Variants in ZBTB25 observed in about 807,000 individuals in gnomAD.
ZBTB25 encodes zinc finger and BTB domain-containing protein 25.
In ZBTB25, 20 loss-of-function variants were observed where a neutral mutation model predicts 34.2. The ratio of observed to expected loss-of-function variants is 0.58; its 90% confidence interval spans 0.41 to 0.85. The LOEUF (loss-of-function observed/expected upper bound fraction) is 0.85, where lower values mean the gene tolerates loss of function less well. Ranked by LOEUF, ZBTB25 falls within the 40% of genes least tolerant of loss-of-function variation. ZBTB25 has a pLI of 0.00. For missense variants in ZBTB25, 437 were observed against 521.8 expected (o/e 0.84, Z 1.58); for synonymous variants, 175 against 186.4 (o/e 0.94, Z 0.50).
At chr14:64,455,220 C>T (rs2078450074) in intron 2 of ZBTB25, 1 of 335,504 alleles carries the variant, frequency 3.0e-6, no homozygotes, top group Non-Finnish European at 5.7e-6. Context: ...TATTGGGAGC[C>T]TTACATAGAT....
At chr14:64,495,338 G>C (rs1463435630) in intron 1 of ZBTB25, among the ~76,000 whole-genome samples, 3 of 152,178 alleles carry the variant, frequency 2.0e-5, no homozygotes, top group Non-Finnish European at 4.4e-5. Context: ...TTTGGAGGCT[G>C]CTCCACACAT....
downstream of ZBTB25, among the ~76,000 whole-genome samples, chr14:64,476,105 C>A (rs962596842): frequency 5.9e-5 from 9 of 152,216 alleles, no homozygotes; most frequent in African/African-American, 2.2e-4. Context: ...ATTCCCAAAT[C>A]CCTACTCTGA....
In ZBTB25 at chr14:64,485,596, A is replaced by G; in HGVS notation, c.*1327T>C. On this transcript the variant is annotated 3_prime_UTR_variant, in exon 3 of 3. Coordinates refer to ENST00000608382, the MANE Select transcript of ZBTB25 (RefSeq NM_006977.5). ...TAAGTTGATTTATAGAGGAAAAGCTAACATCATGGATCTTAAATGTAGTTA... is the reference window on the plus strand; with the variant it reads ...TAAGTTGATTTATAGAGGAAAAGCTGACATCATGGATCTTAAATGTAGTTA... 5 of 985,344 alleles carry G rather than the reference A, an allele frequency of 5.1e-6. No homozygotes were observed. The highest frequency in any genetic ancestry group is 6.0e-6 in the Non-Finnish European group (5 of 829,848). The allele number at this position is 985,344 out of a possible 1,614,324, so 61.0% of individuals were successfully genotyped here. A position where few individuals can be genotyped will look rare whatever the true frequency, so the allele number is the denominator to read the frequency against.
At chr14:64,459,105 C>T (rs2078521900) in intron 2 of ZBTB25, among the ~76,000 whole-genome samples, 1 of 152,192 alleles carries the variant, frequency 6.6e-6, no homozygotes, top group Admixed American at 6.5e-5. Context: ...GGGAAGATGA[C>T]TTTCAACATG....
rs954944190 is a variant in ZBTB25 at position 64,479,826 on chromosome 14, C to G, written c.*7097G>C. On this transcript the variant is annotated 3_prime_UTR_variant, in exon 3 of 3. Coordinates refer to ENST00000608382, the MANE Select transcript of ZBTB25 (RefSeq NM_006977.5). Reference sequence around the variant, plus strand: ...CACTGACTCCCCAGCCTCTCAGCCTCCCAACTGCAGATCTTGGGACTTCTC... The same window carrying G: ...CACTGACTCCCCAGCCTCTCAGCCTGCCAACTGCAGATCTTGGGACTTCTC... 17 of 153,222 alleles carry G rather than the reference C, an allele frequency of 1.1e-4. No homozygotes were observed. Among genetic ancestry groups the G allele is most frequent in the African/African-American group, 4.1e-4 (17 of 41,588 alleles). The allele number at this position is 153,222 out of a possible 1,614,324, so 9.5% of individuals were successfully genotyped here.
At chr14:64,499,151 A>G (rs1387229600) in intron 1 of ZBTB25, among the ~76,000 whole-genome samples, 5 of 152,232 alleles carry the variant, frequency 3.3e-5, no homozygotes, top group Non-Finnish European at 5.9e-5. Context: ...ACTTTATACT[A>G]GTCTCTATAA....
rs74056433 is a variant in ZBTB25, at chr14:64,486,620, A to C, written c.*303T>G. Reference sequence around the variant, plus strand: ...TCAATTTGATTTTACTGATTCTATAACTGGAAAAACTTAGAATTCTATAAA... The same window carrying C: ...TCAATTTGATTTTACTGATTCTATACCTGGAAAAACTTAGAATTCTATAAA... On this transcript the variant is annotated 3_prime_UTR_variant, in exon 3 of 3. Coordinates refer to ENST00000608382, the MANE Select transcript of ZBTB25 (RefSeq NM_006977.5). 3.8e-3 allele frequency: 3,670 copies of C among 963,432 alleles called. 87 individuals carry two copies. In the African/African-American group the frequency reaches 0.054, roughly 14 times the overall value. The allele number at this position is 963,432 out of a possible 1,614,324, so 59.7% of individuals were successfully genotyped here.
chr14:64,474,046 G>T (rs1360263825), downstream of ZBTB25: 1 of 167,094 alleles, frequency 6.0e-6, no homozygotes, highest in Non-Finnish European at 1.5e-5. Flanking sequence ...TGATAAGGGA[G>T]ACAGGCTCCC....
chr14:64,471,358 TA>T (rs1426398333), intron 2 of ZBTB25: 36 of 166,004 alleles, frequency 2.2e-4, no homozygotes, highest in Non-Finnish European at 4.4e-5. Flanking sequence ...TTCACCGTGT[TA>T]GCCAGGATGG....
At chr14:64,464,535 A>T (rs1391487419) in intron 2 of ZBTB25, among the ~76,000 whole-genome samples, 3 of 152,202 alleles carry the variant, frequency 2.0e-5, no homozygotes, top group Non-Finnish European at 4.4e-5. Flanking sequence ...ACAAAAATGG[A>T]CACCTGACAT....
In ZBTB25 at chr14:64,487,064, G is replaced by A. The variant is rs1419691071; in HGVS notation, c.1167C>T (p.Ala389=). Residue 389 remains alanine, a synonymous_variant, in exon 3 of 3, where the codon GCC becomes GCT. Transcript: ENST00000608382. The part of the protein sequence containing the change: ...NRCQRFGNAL[A]QRFQPYCDSW... ...TGTCACAGTATGGCTGAAATCTCTG[G>A]GCCAATGCATTACCAAACCTTTGGC... is the stretch of plus-strand genomic sequence containing the variant. 1 of 1,613,942 alleles carries A rather than the reference G, an allele frequency of 6.2e-7. No individual in the cohort carries two copies.
intron 1 of ZBTB25, 132 bp downstream of exon 1, chr14:64,503,528 CA>C: frequency 1.0e-6 from 1 of 985,938 alleles, no homozygotes; most frequent in Non-Finnish European, 1.2e-6. Context: ...TCAATCGGAC[CA>C]AAAACACCCC....
At position 64,487,374 on chromosome 14, in the gene ZBTB25, T is replaced by C. The variant is rs780245239; in HGVS notation, c.857A>G (p.Asn286Ser). 1 of 1,614,110 alleles carries C rather than the reference T, an allele frequency of 6.2e-7. No homozygotes were observed. Among genetic ancestry groups the C allele is most frequent in the Non-Finnish European group, 8.5e-7 (1 of 1,180,016 alleles). Reference sequence around the variant, plus strand: ...GCATTCAAGGGCCTCGCTGTTTTCATTAAGGGGATGCACTTCACCAAGGTC... The same window carrying C: ...GCATTCAAGGGCCTCGCTGTTTTCACTAAGGGGATGCACTTCACCAAGGTC... Reference protein sequence around the residue: ...SNDLGEVHPLNENSEALECRR... With the variant: ...SNDLGEVHPLSENSEALECRR... Residue 286 changes from asparagine to serine, a missense_variant, in exon 3 of 3, where the codon AAT (asparagine) becomes AGT (serine). Coordinates refer to ENST00000608382, the MANE Select transcript of ZBTB25 (RefSeq NM_006977.5).
chr14:64,505,115 C>G (rs2079624843), upstream of ZBTB25: 1 of 347,662 alleles, frequency 2.9e-6, no homozygotes, highest in Admixed American at 4.8e-5. Flanking sequence ...TGCCAGGCCG[C>G]CTGCTTGTTG....
At chr14:64,476,329 T>C (rs752957296), downstream of ZBTB25, among the ~76,000 whole-genome samples, 1 of 152,224 alleles carries the variant, frequency 6.6e-6, no homozygotes, top group African/African-American at 2.4e-5. Context: ...CTAGAGTATT[T>C]CTGTTTTTGT....
chr14:64,455,902 G>A (rs549778170), intron 2 of ZBTB25, among the ~76,000 whole-genome samples: 1 of 152,294 alleles, frequency 6.6e-6, no homozygotes, highest in South Asian at 2.1e-4. Flanking sequence ...TGCCTCCTTA[G>A]CTCTCTATAG....
intron 1 of ZBTB25, chr14:64,502,689 A>G (rs1272995097): frequency 1.0e-6 from 1 of 985,462 alleles, no homozygotes; most frequent in African/African-American, 1.7e-5. Context: ...GAGTGGGGTA[A>G]ACTGGCACTG....
At chr14:64,471,131 C>G (rs1305138352) in intron 2 of ZBTB25, 1 of 165,466 alleles carries the variant, frequency 6.0e-6, no homozygotes, top group Non-Finnish European at 1.5e-5. Flanking sequence ...TGAAAGTTAA[C>G]TTTTTCATCA....
chr14:64,503,141 A>C (rs550224390), intron 1 of ZBTB25: 1 of 985,526 alleles, frequency 1.0e-6, no homozygotes, highest in Admixed American at 6.1e-5. Flanking sequence ...CAAAAAGAAA[A>C]ACCGGATATG....
Sources: allele counts gnomAD v4.1 joint callset (sites outside exome capture counted in the v4.1 genomes callset), GRCh38; gene constraint gnomAD v4.1.1; transcripts MANE v1.5; gene names NCBI Gene and HGNC (gene_info 2026-07-23, HGNC 2026-07-21).